The following UBAC1 variants were observed in gnomAD, a reference collection of about 807,000 sequenced individuals.
UBAC1 encodes the protein UBA domain containing 1.
UBAC1 carries 27 observed loss-of-function variants against 45.9 expected under a neutral mutation model. The observed-to-expected ratio is 0.59, with a 90% CI of 0.43 to 0.81. UBAC1 has a LOEUF of 0.81. Among genes scored for constraint, UBAC1 ranks in the 30% least tolerant of loss-of-function variants. The probability of loss-of-function intolerance (pLI) is 0.00; values close to 1 mark genes in which losing one functional copy is unlikely to be tolerated. For synonymous variants in UBAC1, 227 were observed against 215.5 expected, an observed-to-expected ratio of 1.05 and a Z score of -0.47; for missense variants, 529 against 539.2, an observed-to-expected ratio of 0.98 and a Z score of 0.19.
chr9:135,955,841 G>A (rs1483671726), intron 1 of UBAC1, among the ~76,000 whole-genome samples: 5 of 152,224 alleles, frequency 3.3e-5, no homozygotes, highest in African/African-American at 9.7e-5. Context: ...AGGCTGCCCA[G>A]AAAGAAGACT....
intron 2 of UBAC1, 138 bp downstream of exon 2, chr9:135,955,157 C>T (rs1839451399): frequency 2.2e-6 from 2 of 896,682 alleles, no homozygotes; most frequent in African/African-American, 3.4e-5. Context: ...AAACAGAATG[C>T]TTTTAGTCGA....
intron 7 of UBAC1, among the ~76,000 whole-genome samples, chr9:135,940,834 G>C (rs746506797): frequency 9.9e-5 from 15 of 152,132 alleles, no homozygotes; most frequent in Non-Finnish European, 1.8e-4. Flanking sequence ...CCTAATCCCT[G>C]AAAGGTCAGA....
chr9:135,939,512 ACACTCACTCATCACAGCCCC>A lies in UBAC1; in HGVS notation c.963+141_963+160del, dbSNP rs1564195011. 2.0e-5 allele frequency among the ~76,000 whole-genome samples: 3 copies of A among 148,242 alleles called. No homozygotes were observed. The East Asian group carries it at 6.0e-4, about 29-fold the overall frequency. ...ACCACAGCCCACACTCACTCAGCCC[ACACTCACTCATCACAGCCCC>A]CACTCACTCACCACAGCCCACACTC... On this transcript the variant is annotated intron_variant, in intron 8 of 9. Coordinates refer to ENST00000371756, the MANE Select transcript of UBAC1 (RefSeq NM_016172.3).
Position 135,933,297 on chromosome 9 carries a change from G to C in UBAC1, c.*103C>G. On this transcript the variant is annotated 3_prime_UTR_variant, in exon 10 of 10. Transcript: ENST00000371756. ...GCTGCAGCACCTCTAACAGTCCAGG[G>C]CTGAGGCGCTGAAGGTGAGTTTCCA... is the stretch of plus-strand genomic sequence containing the variant. 1.1e-6 allele frequency: 1 copy of C among 877,152 alleles called. No homozygotes were observed. Among genetic ancestry groups the C allele is most frequent in the Non-Finnish European group, 1.9e-6 (1 of 527,082 alleles). The allele number at this position is 877,152 out of a possible 1,614,324, so 54.3% of individuals were successfully genotyped here.
At chr9:135,955,948 G>C (rs369326093) in intron 1 of UBAC1, among the ~76,000 whole-genome samples, 1 of 152,200 alleles carries the variant, frequency 6.6e-6, no homozygotes, top group Non-Finnish European at 1.5e-5. Flanking sequence ...GCTGCATCCC[G>C]AGATTGGGAT....
chr9:135,936,223 G>A (rs963436069), intron 9 of UBAC1, among the ~76,000 whole-genome samples: 1 of 151,862 alleles, frequency 6.6e-6, no homozygotes, highest in Admixed American at 6.6e-5. Flanking sequence ...CAGACCCCAA[G>A]GCAGCACACA....
chr9:135,948,031 T>C, intron 3 of UBAC1, 126 bp from the exon 4 acceptor site: 2 of 847,468 alleles, frequency 2.4e-6, no homozygotes, highest in South Asian at 3.5e-5. Context: ...AGGTGTAAAC[T>C]CCTTGATGAG....
chr9:135,959,791 C>T (rs565792042), intron 1 of UBAC1, among the ~76,000 whole-genome samples: 1 of 152,268 alleles, frequency 6.6e-6, no homozygotes, highest in African/African-American at 2.4e-5. Flanking sequence ...GTTGTTCAGA[C>T]GGCAAAATCA....
chr9:135,960,592 A>G (rs1839521813), intron 1 of UBAC1, among the ~76,000 whole-genome samples: 1 of 652 alleles, frequency 1.5e-3, no homozygotes, highest in African/African-American at 1.8e-3. Context: ...ATGCTGCTGA[A>G]AAAAAACCTC....
rs1158112194 is a variant in UBAC1 at position 135,961,356 on chromosome 9, A to AGCC, written c.-197_-195dup. On this transcript the variant is annotated 5_prime_UTR_variant, in exon 1 of 10. Coordinates refer to ENST00000371756, the MANE Select transcript of UBAC1 (RefSeq NM_016172.3). ...GTCGCCTCGCTCCCGCCGCCGCAGC[A>AGCC]GCCGCCGGGGGCGCGCCGTCGCGGC... 1.4e-5 allele frequency: 3 copies of AGCC among 217,088 alleles called. No individual in the cohort carries two copies. Among genetic ancestry groups the AGCC allele is most frequent in the Non-Finnish European group, 2.3e-5 (3 of 128,780 alleles). The allele number at this position is 217,088 out of a possible 1,614,324, so 13.4% of individuals were successfully genotyped here. A position where few individuals can be genotyped will look rare whatever the true frequency, so the allele number is the denominator to read the frequency against.
intron 2 of UBAC1, 82 bp downstream of exon 2, chr9:135,955,213 G>A: frequency 2.9e-6 from 4 of 1,385,042 alleles, no homozygotes; most frequent in Non-Finnish European, 3.8e-6. Context: ...GACTCCTGTG[G>A]GTGGACCACC....
Position 135,955,411 on chromosome 9 carries a change from G to A in UBAC1, c.143C>T (p.Ala48Val). The A allele has an allele frequency of 6.4e-7, 1 of 1,554,574 alleles. No individual in the cohort carries two copies. Among genetic ancestry groups the A allele is most frequent in the Admixed American group, 2.2e-5 (1 of 45,572 alleles). ...KLKERCLKHCAHGSLEDPKSI... is the reference protein window; with the variant it reads ...KLKERCLKHCVHGSLEDPKSI... ...TTTGGGATCTTCTAAGCTCCCATGA[G>A]CACACTGGGGAAAAATAGAAATTTC... Residue 48 changes from alanine (A) to valine (V), a missense_variant, in exon 2 of 10, where the codon GCT becomes GTT. By Grantham distance (64) the Ala-to-Val change is moderately conservative (BLOSUM62 0). Transcript: ENST00000371756.
intron 1 of UBAC1, among the ~76,000 whole-genome samples, chr9:135,960,186 T>C (rs1303304489): frequency 3.3e-5 from 5 of 152,322 alleles, no homozygotes; most frequent in South Asian, 2.1e-4. Flanking sequence ...CCTCAGATCA[T>C]GTCAGGTATA....
At chr9:135,939,644 ACACT>A (rs766439659) in intron 8 of UBAC1, 25 bp downstream of exon 8, 113 of 1,601,724 alleles carry the variant, frequency 7.1e-5, no homozygotes, top group Non-Finnish European at 8.6e-5. Flanking sequence ...ACCACAGCCC[ACACT>A]CACTCACCAC....
At chr9:135,953,653 T>A (rs1179269348) in intron 3 of UBAC1, 27 bp downstream of exon 3, 2 of 1,600,928 alleles carry the variant, frequency 1.2e-6, no homozygotes, top group African/African-American at 2.7e-5. Flanking sequence ...CCAACCAAGG[T>A]CCCCAATTGC....
Position 135,945,882 on chromosome 9 carries a change from C to CA in UBAC1, c.653+6dup. 2 of 1,613,550 alleles carry CA rather than the reference C, an allele frequency of 1.2e-6. No homozygotes were observed. Among genetic ancestry groups the CA allele is most frequent in the Non-Finnish European group, 1.7e-6 (2 of 1,179,646 alleles). On this transcript the variant is annotated splice_region_variant and intron_variant, in intron 6 of 9. Coordinates refer to ENST00000371756, the MANE Select transcript of UBAC1 (RefSeq NM_016172.3). ...CCGGCAAGGGAAGGAGGTGGCCCCC[C>CA]ACGCACTGGTTCAGCTGAAGGGCCT...
chr9:135,945,710 T>A (rs1839323132), intron 6 of UBAC1, 179 bp downstream of exon 6: 1 of 600,486 alleles, frequency 1.7e-6, no homozygotes, highest in Admixed American at 2.9e-5. Flanking sequence ...ACGACTGTTC[T>A]GTCACATTCA....
chr9:135,934,543 C>A (rs1024474832), intron 9 of UBAC1, among the ~76,000 whole-genome samples: 1 of 152,108 alleles, frequency 6.6e-6, no homozygotes, highest in East Asian at 1.9e-4. Flanking sequence ...GCCTATAATC[C>A]CAGCTACTCG....
intron 3 of UBAC1, among the ~76,000 whole-genome samples, chr9:135,949,269 G>A (rs1244869786): frequency 6.6e-6 from 1 of 152,080 alleles, no homozygotes; most frequent in Admixed American, 6.5e-5. Flanking sequence ...ATAAAATCAA[G>A]GAATCCCTCA....
Sources: gnomAD v4.1 joint callset for allele counts (sites outside exome capture counted in the v4.1 genomes callset) on GRCh38, gnomAD v4.1.1 for gene constraint, MANE v1.5 for transcripts, NCBI Gene and HGNC (gene_info 2026-07-23, HGNC 2026-07-21) for gene names.